The following PTPRT variants were observed in gnomAD, a reference collection of about 807,000 sequenced individuals.
The protein encoded by PTPRT is receptor-type tyrosine-protein phosphatase T.
PTPRT carries 56 observed loss-of-function variants against 176.8 expected under a neutral mutation model. The ratio of observed to expected loss-of-function variants is 0.32; its 90% CI spans 0.26 to 0.40. PTPRT has a LOEUF of 0.40. Ranked by LOEUF, PTPRT falls within the 10% of genes least tolerant of loss-of-function variation. The pLI is 1.00. For missense variants in PTPRT, 1,540 were observed against 1,908.2 expected, an observed-to-expected ratio of 0.81 and a Z score of 3.60; for synonymous variants, 783 against 739.0, an observed-to-expected ratio of 1.06 and a Z score of -0.96.
At chr20:42,071,963 C>A (rs952709433), downstream of PTPRT, among the ~76,000 whole-genome samples, 3 of 152,188 alleles carry the variant, frequency 2.0e-5, no homozygotes, top group Non-Finnish European at 4.4e-5. Context: ...TGGCCAACTT[C>A]AGCATTTACT....
intron 2 of PTPRT, among the ~76,000 whole-genome samples, chr20:42,832,138 G>T (rs2078100160): frequency 6.6e-6 from 1 of 152,102 alleles, no homozygotes; most frequent in Non-Finnish European, 1.5e-5. Flanking sequence ...AAGTGCCCTA[G>T]ATTGGATGAA....
At chr20:42,615,388 A>G (rs1409392996) in intron 7 of PTPRT, among the ~76,000 whole-genome samples, 1 of 137,956 alleles carries the variant, frequency 7.2e-6, no homozygotes, top group Admixed American at 6.9e-5. Flanking sequence ...ATAATGCTGC[A>G]ATAAACATAT....
At chr20:42,192,485 C>T (rs1170344118) in intron 16 of PTPRT, among the ~76,000 whole-genome samples, 2 of 152,178 alleles carry the variant, frequency 1.3e-5, no homozygotes, top group Non-Finnish European at 2.9e-5. Context: ...CTCTGAACTG[C>T]CCACAAAGAA....
At chr20:42,797,174 T>C (rs1439740782) in intron 2 of PTPRT, among the ~76,000 whole-genome samples, 1 of 152,168 alleles carries the variant, frequency 6.6e-6, no homozygotes, top group African/African-American at 2.4e-5. Flanking sequence ...CCTCCCACAA[T>C]TGATAAGGCA....
At chr20:42,283,593 G>T (rs530048228) in intron 12 of PTPRT, among the ~76,000 whole-genome samples, 1 of 152,152 alleles carries the variant, frequency 6.6e-6, no homozygotes, top group Admixed American at 6.5e-5. Context: ...GATTGGGGGT[G>T]ATTGGGAGAC....
intron 9 of PTPRT, among the ~76,000 whole-genome samples, chr20:42,422,360 GA>G (rs943031714): frequency 6.6e-6 from 1 of 151,584 alleles, no homozygotes; most frequent in Non-Finnish European, 1.5e-5. Context: ...ATTTACAAGA[GA>G]AAAAAAACCC....
chr20:43,156,816 C>A (rs2014535631), intron 1 of PTPRT, among the ~76,000 whole-genome samples: 1 of 152,162 alleles, frequency 6.6e-6, no homozygotes, highest in Non-Finnish European at 1.5e-5. Context: ...TTGAGAGACA[C>A]CAGCCACAAG....
chr20:42,059,438 A>G, the PTPRT span, among the ~76,000 whole-genome samples: 1 of 152,210 alleles, frequency 6.6e-6, no homozygotes, highest in African/African-American at 2.4e-5. Flanking sequence ...GATGAGATGC[A>G]AGAAGGCGGC....
intron 19 of PTPRT, among the ~76,000 whole-genome samples, chr20:42,124,606 G>C (rs1009956362): frequency 6.6e-6 from 1 of 152,204 alleles, no homozygotes; most frequent in Non-Finnish European, 1.5e-5. Context: ...AATGATTCTA[G>C]CATGGGCAGT....
chr20:42,920,570 TTTTTTTTTCCAAGAG>T (rs1419193460), intron 1 of PTPRT, among the ~76,000 whole-genome samples: 5 of 142,062 alleles, frequency 3.5e-5, no homozygotes, highest in Admixed American at 7.0e-5. Context: ...CCTTAATACT[TTTTTTTTTCCAAGAG>T]GAGAGGAAAA....
At chr20:42,678,586 G>A (rs1316934814) in intron 6 of PTPRT, among the ~76,000 whole-genome samples, 1 of 152,182 alleles carries the variant, frequency 6.6e-6, no homozygotes, top group Non-Finnish European at 1.5e-5. Context: ...TTACAGGCAT[G>A]AGCCAACACG....
chr20:42,462,967 A>T (rs1165876136), intron 8 of PTPRT, among the ~76,000 whole-genome samples: 1 of 152,084 alleles, frequency 6.6e-6, no homozygotes. Flanking sequence ...AAACTCTTCT[A>T]TTTCCAAGGC....
In PTPRT at chr20:42,211,115, C is replaced by G. The variant is rs371296478; in HGVS notation, c.2343-11727G>C. On this transcript the variant is annotated intron_variant, in intron 15 of 30. Coordinates refer to ENST00000373187, the MANE Select transcript of PTPRT (RefSeq NM_007050.6). ...CATATGTAGAAAGCTGAAACTGGAT[C>G]CCTTCCTTACACCTTATACAAAAAT... Among the ~76,000 whole-genome samples the G allele has an allele frequency of 1.3e-3, 203 of 152,254 alleles. 8 individuals are homozygous for G. The East Asian group carries it at 0.037, about 28-fold the overall frequency.
chr20:42,812,583 A>G (rs2077714852), intron 2 of PTPRT, among the ~76,000 whole-genome samples: 1 of 152,124 alleles, frequency 6.6e-6, no homozygotes, highest in African/African-American at 2.4e-5. Context: ...TGCTTGTAAC[A>G]CATTCTCTTT....
At chr20:42,795,450 A>G (rs1327974936) in intron 2 of PTPRT, among the ~76,000 whole-genome samples, 4 of 152,248 alleles carry the variant, frequency 2.6e-5, no homozygotes, top group African/African-American at 9.6e-5. Context: ...TGAGCACCTC[A>G]GGATTGCATT....
At chr20:42,491,954 T>C (rs1280216096) in intron 7 of PTPRT, among the ~76,000 whole-genome samples, 1 of 152,196 alleles carries the variant, frequency 6.6e-6, no homozygotes, top group Non-Finnish European at 1.5e-5. Context: ...ACATTTTGAC[T>C]CAGCATAATT....
chr20:42,741,165 G>A (rs1400020965), intron 6 of PTPRT, among the ~76,000 whole-genome samples: 1 of 152,130 alleles, frequency 6.6e-6, no homozygotes, highest in Non-Finnish European at 1.5e-5. Context: ...CCTAGGAATA[G>A]GCACAAAGGT....
chr20:43,053,613 C>T (rs1227825279), intron 1 of PTPRT, among the ~76,000 whole-genome samples: 1 of 152,218 alleles, frequency 6.6e-6, no homozygotes, highest in East Asian at 1.9e-4. Flanking sequence ...TCTGTTTGTG[C>T]TCCGCCTGGA....
At chr20:42,521,806 C>G (rs1176861277) in intron 7 of PTPRT, among the ~76,000 whole-genome samples, 1 of 152,062 alleles carries the variant, frequency 6.6e-6, no homozygotes, top group Non-Finnish European at 1.5e-5. Context: ...TTATTTTATT[C>G]TGGCACAAAG....
Sources: gnomAD v4.1 joint callset for allele counts (sites outside exome capture counted in the v4.1 genomes callset) on GRCh38, gnomAD v4.1.1 for gene constraint, MANE v1.5 for transcripts, NCBI Gene and HGNC (gene_info 2026-07-23, HGNC 2026-07-21) for gene names.